DNM1L: variants seen among roughly 807,000 people sequenced by gnomAD.
DNM1L encodes dynamin-1-like protein.
DNM1L carries 33 observed loss-of-function variants against 92.8 expected under a neutral mutation model. The observed-to-expected ratio is 0.36, with a 90% CI of 0.27 to 0.48. The LOEUF (loss-of-function observed/expected upper bound fraction) is 0.48, where lower values mean the gene tolerates loss of function less well. Ranked by LOEUF, DNM1L falls within the 20% of genes least tolerant of loss-of-function variation. The probability of loss-of-function intolerance (pLI) is 0.99; values close to 1 mark genes in which losing one functional copy is unlikely to be tolerated. For synonymous variants in DNM1L, 284 were observed against 305.0 expected (o/e 0.93, Z 0.72); for missense variants, 485 against 888.8 (o/e 0.55, Z 5.78).
chr12:32,711,047 G>A (rs371699985), intron 5 of DNM1L, 32 bp downstream of exon 5: 8 of 1,594,356 alleles, frequency 5.0e-6, no homozygotes, highest in Non-Finnish European at 6.9e-6. Context: ...ATTTGGTCAG[G>A]TTGTTTTCAC....
intron 1 of DNM1L, among the ~76,000 whole-genome samples, chr12:32,687,218 G>T (rs1952051317): frequency 6.6e-6 from 1 of 151,730 alleles, no homozygotes; most frequent in Non-Finnish European, 1.5e-5. Context: ...AAGCCGTGAA[G>T]ATTTTTTTTT....
chr12:32,720,939 A>G (rs1174628590), intron 8 of DNM1L, 144 bp downstream of exon 8: 1 of 1,003,742 alleles, frequency 1.0e-6, no homozygotes, highest in Non-Finnish European at 1.5e-6. Context: ...CCTGAAGAGT[A>G]GATGTCTCTG....
At chr12:32,718,190 G>A (rs944745518) in intron 6 of DNM1L, among the ~76,000 whole-genome samples, 8 of 146,352 alleles carry the variant, frequency 5.5e-5, no homozygotes, top group African/African-American at 1.8e-4. Context: ...CACCCAGGCC[G>A]AAGTGCAATG....
Position 32,722,529 on chromosome 12 carries a change from C to T in DNM1L, c.975C>T (p.Pro325=), listed in dbSNP as rs144475762. Residue 325 remains proline (P), a synonymous_variant, in exon 9 of 20, where the codon CCC becomes CCT. Transcript: ENST00000549701. ...CTCTTCTAAATAGCTACGGTGAACC[C>T]GTGGATGATAAAAGTGCTACTTTAC... ...YQSLLNSYGE[P]VDDKSATLLQ... is the part of the protein sequence containing the mutation. The T allele has an allele frequency of 7.8e-5, 126 of 1,613,278 alleles. No individual in the cohort carries two copies. In the African/African-American group the frequency reaches 1.5e-3, roughly 19 times the overall value.
At position 32,708,200 on chromosome 12, in the gene DNM1L, A is replaced by G. The variant is rs1293759501; in HGVS notation, c.345A>G (p.Thr115=). The G allele has an allele frequency of 6.2e-7, 1 of 1,604,026 alleles. No individual in the cohort carries two copies. Among genetic ancestry groups the G allele is most frequent in the Non-Finnish European group, 8.5e-7 (1 of 1,171,490 alleles). ...DEIRQEIENE[T]ERISGNNKGV... is the part of the protein sequence containing the mutation. ...TTCGACAAGAAATTGAAAATGAAAC[A>G]GAAAGAATTTCAGGAAATAATAAGG... The change falls in exon 4 of 20, where the codon ACA becomes ACG. Residue 115 remains threonine, a synonymous_variant. Coordinates refer to ENST00000549701, the MANE Select transcript of DNM1L (RefSeq NM_012062.5).
chr12:32,698,977 G>A (rs1156756644), intron 1 of DNM1L, among the ~76,000 whole-genome samples: 5 of 151,686 alleles, frequency 3.3e-5, no homozygotes, highest in Non-Finnish European at 5.9e-5. Flanking sequence ...CTATGATCAC[G>A]CCATTGCACT....
Position 32,731,427 on chromosome 12 carries a change from A to G in DNM1L, c.1272A>G (p.Leu424=), listed in dbSNP as rs146841562. The G allele has an allele frequency of 1.9e-6, 3 of 1,614,096 alleles. No homozygotes were observed. Among genetic ancestry groups the G allele is most frequent in the African/African-American group, 2.7e-5 (2 of 74,936 alleles). The change falls in exon 11 of 20, where the codon CTA becomes CTG. Residue 424 remains leucine (L), a synonymous_variant. Transcript: ENST00000549701. This position sits in a 1 kb window ranked among gnomAD's most constrained non-coding sequence, Gnocchi z 5.1. ...ELLVKRQIKR[L]EEPSLRCVEL... is the part of the protein sequence containing the mutation. ...TGGTGAAGCGGCAAATCAAACGTCT[A>G]GAAGAGCCCAGCCTCCGCTGTGTGG... is the stretch of plus-strand genomic sequence containing the variant.
intron 2 of DNM1L, among the ~76,000 whole-genome samples, chr12:32,702,233 C>CA (rs1179046487): frequency 0.07 from 5,679 of 80,752 alleles, 369 homozygotes; most frequent in African/African-American, 0.15. Context: ...GACTCCGTCT[C>CA]AAAAAAAAAA....
At chr12:32,714,158 T>C (rs1382113351) in intron 6 of DNM1L, among the ~76,000 whole-genome samples, 1 of 152,182 alleles carries the variant, frequency 6.6e-6, no homozygotes, top group African/African-American at 2.4e-5. Context: ...GGTTGTGTCA[T>C]GTTTTTCTTT....
At chr12:32,684,298 T>C (rs1951911130) in intron 1 of DNM1L, among the ~76,000 whole-genome samples, 9 of 152,268 alleles carry the variant, frequency 5.9e-5, no homozygotes, top group Non-Finnish European at 1.5e-5. Flanking sequence ...ATTTGAAAAA[T>C]ATATTAGTGA....
Position 32,704,853 on chromosome 12 carries a change from A to G in DNM1L, c.251-2514A>G, listed in dbSNP as rs11052193. Among the ~76,000 whole-genome samples the G allele has an allele frequency of 7.5e-3, 1,138 of 152,280 alleles. 24 individuals are homozygous for G. Among genetic ancestry groups the G allele is most frequent in the Admixed American group, 0.041 (625 of 15,282 alleles). On this transcript the variant is annotated intron_variant, in intron 2 of 19. Coordinates refer to ENST00000549701, the MANE Select transcript of DNM1L (RefSeq NM_012062.5). ...TGTTTCAAATAAAATACCCTTATAT[A>G]GTCCAGTCTTAGCTAATGGGGCAAA...
Position 32,745,080 on chromosome 12 carries a change from C to T in DNM1L, c.*1670C>T, listed in dbSNP as rs767573832. On this transcript the variant is annotated 3_prime_UTR_variant, in exon 20 of 20. Coordinates refer to ENST00000549701, the MANE Select transcript of DNM1L (RefSeq NM_012062.5). Reference sequence around the variant, plus strand: ...CACCAACTGATGTCAAACATAAAAACCCCCACATCAGTCTGATACGATATG... The same window carrying T: ...CACCAACTGATGTCAAACATAAAAATCCCCACATCAGTCTGATACGATATG... 1 of 488,202 alleles carries T rather than the reference C, an allele frequency of 2.0e-6. No homozygotes were observed. Among genetic ancestry groups the T allele is most frequent in the South Asian group, 1.5e-5 (1 of 64,914 alleles). 30.2% of individuals were successfully genotyped at this position (488,202 alleles called of 1,614,324 possible).
At chr12:32,705,736 A>G in intron 2 of DNM1L, 1 of 1,166,240 alleles carries the variant, frequency 8.6e-7, no homozygotes, top group Non-Finnish European at 1.2e-6. Flanking sequence ...AAATGTGATC[A>G]GGTTTCTGCA....
chr12:32,724,303 C>T (rs1425013821), intron 9 of DNM1L, among the ~76,000 whole-genome samples: 4 of 152,118 alleles, frequency 2.6e-5, no homozygotes, highest in Admixed American at 6.6e-5. Context: ...ATTGGCCAGG[C>T]GCAGTGGCTC....
intron 1 of DNM1L, among the ~76,000 whole-genome samples, chr12:32,680,581 A>G (rs1249365275): frequency 6.6e-6 from 1 of 152,158 alleles, no homozygotes; most frequent in Non-Finnish European, 1.5e-5. Context: ...TTAGAAACAC[A>G]TTTCCTTGGT....
At chr12:32,692,287 G>A (rs1952263608) in intron 1 of DNM1L, among the ~76,000 whole-genome samples, 1 of 152,138 alleles carries the variant, frequency 6.6e-6, no homozygotes, top group South Asian at 2.1e-4. Context: ...CTCAGGAATA[G>A]CGACAACATG....
At chr12:32,722,717 T>G (rs1953861872) in intron 9 of DNM1L, 84 bp downstream of exon 9, 1 of 1,002,146 alleles carries the variant, frequency 1.0e-6, no homozygotes, top group Admixed American at 2.0e-5. Flanking sequence ...CAGCTCAGAT[T>G]ATCTGATTAA....
At chr12:32,690,258 C>T (rs1952182648) in intron 1 of DNM1L, among the ~76,000 whole-genome samples, 1 of 152,142 alleles carries the variant, frequency 6.6e-6, no homozygotes, top group Non-Finnish European at 1.5e-5. Context: ...TTGACACATA[C>T]AGTATTAAAA....
intron 13 of DNM1L, among the ~76,000 whole-genome samples, chr12:32,734,207 TCA>T (rs1954732099): frequency 6.6e-6 from 1 of 152,250 alleles, no homozygotes; most frequent in African/African-American, 2.4e-5. Flanking sequence ...AGTGCTTTTT[TCA>T]CCACTACTGG....
Sources: gnomAD v4.1 joint callset for allele counts (sites outside exome capture counted in the v4.1 genomes callset) on GRCh38, gnomAD v4.1.1 for gene constraint, Gnocchi (gnomAD v3.1) non-coding constraint, MANE v1.5 for transcripts, NCBI Gene and HGNC (gene_info 2026-07-23, HGNC 2026-07-21) for gene names.